The following SPTLC3 variants were observed in gnomAD, a reference collection of about 807,000 sequenced individuals.
SPTLC3 encodes the protein serine palmitoyltransferase 3.
Under a neutral mutation model 59.3 loss-of-function variants are expected in SPTLC3, and 36 were observed. That is an observed-to-expected ratio of 0.61 (90% confidence interval 0.47 to 0.80). The LOEUF is 0.80. Ranked by LOEUF, SPTLC3 falls within the 30% of genes least tolerant of loss-of-function variation. SPTLC3 has a pLI of 0.00. For missense variants in SPTLC3, 625 were observed against 685.1 expected, an observed-to-expected ratio of 0.91 and a Z score of 0.98; for synonymous variants, 257 against 240.8, an observed-to-expected ratio of 1.07 and a Z score of -0.62.
Position 13,165,525 on chromosome 20 carries a change from A to T in SPTLC3, c.*658A>T, listed in dbSNP as rs968463563. On this transcript the variant is annotated 3_prime_UTR_variant, in exon 12 of 12. Coordinates refer to ENST00000399002, the MANE Select transcript of SPTLC3 (RefSeq NM_018327.4). ...TTCCTTTTCCTCTTGCTGGTCTCCT[A>T]CAGTTTTACAGCTGAGCTTTTGAGG... 6.6e-6 allele frequency: 1 copy of T among 152,212 alleles called. No individual in the cohort carries two copies. Among genetic ancestry groups the T allele is most frequent in the Non-Finnish European group, 1.5e-5 (1 of 68,032 alleles). 9.4% of individuals were successfully genotyped at this position (152,212 alleles called of 1,614,324 possible).
chr20:13,023,326 T>C (rs1226913611), intron 1 of SPTLC3, among the ~76,000 whole-genome samples: 1 of 151,396 alleles, frequency 6.6e-6, no homozygotes, highest in Non-Finnish European at 1.5e-5. Flanking sequence ...CACACATGCA[T>C]GCACACATTA....
chr20:13,028,206 C>T (rs563148442), intron 1 of SPTLC3, among the ~76,000 whole-genome samples: 7 of 152,188 alleles, frequency 4.6e-5, no homozygotes, highest in African/African-American at 9.6e-5. Context: ...AATGGCAGAA[C>T]GGATATCAGA....
At chr20:13,101,570 T>C (rs1460506194) in intron 6 of SPTLC3, among the ~76,000 whole-genome samples, 1 of 152,198 alleles carries the variant, frequency 6.6e-6, no homozygotes, top group Non-Finnish European at 1.5e-5. Flanking sequence ...GCCCTTGTGC[T>C]ATCCAGCCAT....
chr20:13,049,690 T>C (rs868079581), intron 2 of SPTLC3: 1 of 157,534 alleles, frequency 6.3e-6, no homozygotes, highest in Non-Finnish European at 1.4e-5. Flanking sequence ...AGGACCCTGA[T>C]GAAGTCACTG....
chr20:13,072,016 C>T (rs1407522928), intron 2 of SPTLC3, among the ~76,000 whole-genome samples: 3 of 152,196 alleles, frequency 2.0e-5, no homozygotes, highest in Admixed American at 2.0e-4. Flanking sequence ...CACTTGCTTT[C>T]GGGCTTGTAT....
chr20:13,111,284 G>C (rs1475632096), intron 7 of SPTLC3, among the ~76,000 whole-genome samples: 10 of 152,122 alleles, frequency 6.6e-5, no homozygotes, highest in African/African-American at 1.2e-4. Flanking sequence ...CCAGCCCAGA[G>C]AGTATGTACT....
At chr20:13,069,978 T>C (rs1477544152) in intron 2 of SPTLC3, among the ~76,000 whole-genome samples, 1 of 152,080 alleles carries the variant, frequency 6.6e-6, no homozygotes, top group Non-Finnish European at 1.5e-5. Context: ...AAATTATAAA[T>C]AGAGAAACAC....
In SPTLC3 at chr20:13,093,521, C is replaced by CG. The variant is rs1989303113; in HGVS notation, c.771dup (p.Leu258AlafsTer80). The CG allele has an allele frequency of 6.2e-7, 1 of 1,613,454 alleles. No individual in the cohort carries two copies. Among genetic ancestry groups the CG allele is most frequent in the African/African-American group, 1.3e-5 (1 of 74,878 alleles). On this transcript the variant is annotated frameshift_variant, in exon 6 of 12. Transcript: ENST00000399002. LOFTEE classifies it high-confidence loss of function. ...TTAAGTGATGAGTTAAACCACACAT[C>CG]GCTTGTGCTTGGGGCCCGACTCTCA...
intron 4 of SPTLC3, among the ~76,000 whole-genome samples, chr20:13,078,920 A>C (rs1162565435): frequency 1.3e-5 from 2 of 152,200 alleles, no homozygotes; most frequent in Non-Finnish European, 1.5e-5. Flanking sequence ...ATTAGACATA[A>C]AAAGATTCAA....
chr20:13,137,767 G>T (rs1393804191), intron 9 of SPTLC3, among the ~76,000 whole-genome samples: 1 of 152,176 alleles, frequency 6.6e-6, no homozygotes, highest in East Asian at 1.9e-4. Context: ...CAAAATTAAA[G>T]AAAGCAATCC....
intron 1 of SPTLC3, among the ~76,000 whole-genome samples, chr20:13,015,046 G>A (rs200978004): frequency 6.6e-6 from 1 of 152,180 alleles, no homozygotes; most frequent in East Asian, 1.9e-4. Context: ...GATCAGATAC[G>A]GTTTCTCCCA....
At chr20:13,030,000 T>C (rs1986353429) in intron 1 of SPTLC3, among the ~76,000 whole-genome samples, 1 of 152,186 alleles carries the variant, frequency 6.6e-6, no homozygotes, top group South Asian at 2.1e-4. Context: ...GACCTAGGTA[T>C]AGTAGCTCAG....
At chr20:13,134,642 A>C (rs1043707503) in intron 9 of SPTLC3, among the ~76,000 whole-genome samples, 4 of 152,218 alleles carry the variant, frequency 2.6e-5, no homozygotes, top group African/African-American at 7.2e-5. Context: ...ATTCTGGTGC[A>C]GGCTCAAATT....
intron 1 of SPTLC3, among the ~76,000 whole-genome samples, chr20:13,025,298 G>A (rs1480655095): frequency 6.6e-6 from 1 of 152,132 alleles, no homozygotes; most frequent in Non-Finnish European, 1.5e-5. Flanking sequence ...GGCAGGTAGT[G>A]GAAGCAGGAT....
chr20:13,045,212 G>A (rs183269769), intron 1 of SPTLC3, among the ~76,000 whole-genome samples: 52 of 152,246 alleles, frequency 3.4e-4, no homozygotes, highest in Non-Finnish European at 4.1e-4. Flanking sequence ...TGACAGAAGC[G>A]CAGGAAGTAA....
At chr20:13,026,762 T>C (rs1986167089) in intron 1 of SPTLC3, among the ~76,000 whole-genome samples, 1 of 152,210 alleles carries the variant, frequency 6.6e-6, no homozygotes, top group South Asian at 2.1e-4. Context: ...ACCATTTCCA[T>C]GTGCACAGCC....
At chr20:13,128,686 T>G (rs1268482816) in intron 9 of SPTLC3, among the ~76,000 whole-genome samples, 3 of 151,718 alleles carry the variant, frequency 2.0e-5, no homozygotes, top group African/African-American at 4.8e-5. Context: ...TTCTTTTTTG[T>G]TTTTTGGGTT....
chr20:13,027,549 C>G (rs1381825626), intron 1 of SPTLC3, among the ~76,000 whole-genome samples: 1 of 152,006 alleles, frequency 6.6e-6, no homozygotes, highest in African/African-American at 2.4e-5. Context: ...GGCCCTTATT[C>G]AGTGCATACA....
chr20:13,145,982 T>C (rs2038500748), intron 9 of SPTLC3, among the ~76,000 whole-genome samples: 1 of 152,232 alleles, frequency 6.6e-6, no homozygotes, highest in Non-Finnish European at 1.5e-5. Flanking sequence ...ATGCGAATGT[T>C]CCTTGCAGCA....
Sources: gnomAD v4.1 joint callset for allele counts (sites outside exome capture counted in the v4.1 genomes callset) on GRCh38, gnomAD v4.1.1 for gene constraint, MANE v1.5 for transcripts, NCBI Gene and HGNC (gene_info 2026-07-23, HGNC 2026-07-21) for gene names.